The following LETMD1 variants were observed in gnomAD, a reference collection of about 807,000 sequenced individuals.
LETMD1 encodes LETM1 domain containing 1.
In LETMD1, 30 loss-of-function variants were observed where a neutral mutation model predicts 43.9. The ratio of observed to expected loss-of-function variants is 0.68; its 90% CI spans 0.51 to 0.93. LETMD1 has a LOEUF of 0.93. Ranked by LOEUF, LETMD1 falls within the 40% of genes least tolerant of loss-of-function variation. The pLI is 0.00. For synonymous variants in LETMD1, 176 were observed against 163.1 expected (o/e 1.08, Z -0.60); for missense variants, 413 against 447.7 (o/e 0.92, Z 0.70).
downstream of LETMD1, chr12:51,062,405 T>C (rs554951528): frequency 6.6e-6 from 1 of 152,324 alleles, no homozygotes; most frequent in East Asian, 1.9e-4. Flanking sequence ...ACTTTGCTAA[T>C]GAAAGGAAAT....
downstream of LETMD1, chr12:51,064,054 A>T (rs146767929): frequency 2.7e-5 from 43 of 1,614,224 alleles, no homozygotes; most frequent in Non-Finnish European, 3.6e-5. Flanking sequence ...TTTGGGAAAG[A>T]GGCTGAGCCT....
chr12:51,057,866 C>G, intron 7 of LETMD1, 166 bp from the exon 8 acceptor site: 1 of 668,678 alleles, frequency 1.5e-6, no homozygotes, highest in Non-Finnish European at 2.7e-6. Context: ...ACCTCGTGAT[C>G]CGCCTACCTC....
intron 4 of LETMD1, among the ~76,000 whole-genome samples, chr12:51,054,944 C>A (rs1312433976): frequency 6.6e-6 from 1 of 152,016 alleles, no homozygotes; most frequent in Admixed American, 6.6e-5. Flanking sequence ...ACTAAAAATA[C>A]AAAATACTAG....
intron 7 of LETMD1, 91 bp from the exon 8 acceptor site, chr12:51,057,941 A>T: frequency 1.0e-6 from 1 of 954,224 alleles, no homozygotes; most frequent in Non-Finnish European, 1.7e-6. Context: ...TAACTTATTT[A>T]AAGGAGATTT....
chr12:51,056,376 C>A lies in LETMD1; in HGVS notation c.789C>A (p.Leu263=), dbSNP rs758687139. The A allele has an allele frequency of 1.2e-6, 2 of 1,614,118 alleles. No individual in the cohort carries two copies. Among genetic ancestry groups the A allele is most frequent in the African/African-American group, 2.7e-5 (2 of 74,942 alleles). The change falls in exon 7 of 9, where the codon CTC becomes CTA. Residue 263 remains leucine, a synonymous_variant. Transcript: ENST00000262055. ...AAGCCTTGAGCCGGGCCATGCTTCT[C>A]ACATCTTACCTGCCTCCTCCCTTGT... The part of the protein sequence containing the change: ...HVKALSRAML[L]TSYLPPPLLR...
intron 4 of LETMD1, among the ~76,000 whole-genome samples, chr12:51,054,928 G>A (rs1947200638): frequency 6.6e-6 from 1 of 152,114 alleles, no homozygotes; most frequent in Non-Finnish European, 1.5e-5. Flanking sequence ...GTGAAACCCT[G>A]TCTCTACTAA....
intron 3 of LETMD1, 82 bp from the exon 4 acceptor site, chr12:51,053,696 C>G: frequency 1.1e-6 from 1 of 890,252 alleles, no homozygotes; most frequent in Non-Finnish European, 1.8e-6. Flanking sequence ...TAGAAGTTTA[C>G]TGTACAGTGG....
intron 4 of LETMD1, 145 bp from the exon 5 acceptor site, chr12:51,055,690 A>AAAT (rs398019540): frequency 1.4e-5 from 6 of 422,642 alleles, no homozygotes; most frequent in Non-Finnish European, 1.7e-5. Context: ...AAAAAAAAAA[A>AAAT]CTGAAAAAGA....
intron 2 of LETMD1, 145 bp from the exon 3 acceptor site, chr12:51,051,947 A>G: frequency 1.7e-6 from 1 of 604,708 alleles, no homozygotes; most frequent in Non-Finnish European, 2.8e-6. Flanking sequence ...TGACCTCAGG[A>G]GTTTCAAGTT....
downstream of LETMD1, among the ~76,000 whole-genome samples, chr12:51,060,769 G>A (rs1948788413): frequency 6.6e-6 from 1 of 152,088 alleles, no homozygotes; most frequent in African/African-American, 2.4e-5. Flanking sequence ...AGGCGTGGTG[G>A]TGGGCGCCTG....
chr12:51,055,654 A>G, intron 4 of LETMD1, 181 bp from the exon 5 acceptor site: 1 of 441,336 alleles, frequency 2.3e-6, no homozygotes. Context: ...GAGAGAGGGG[A>G]CCCTGTCTCT....
At chr12:51,055,167 A>G (rs962178125) in intron 4 of LETMD1, among the ~76,000 whole-genome samples, 3 of 151,976 alleles carry the variant, frequency 2.0e-5, no homozygotes, top group African/African-American at 7.2e-5. Flanking sequence ...CTATAGTTAG[A>G]TTGTCAACAT....
At chr12:51,067,816 C>A in the LETMD1 span, 1 of 1,614,210 alleles carries the variant, frequency 6.2e-7, no homozygotes, top group South Asian at 1.1e-5. The surrounding 1 kb of genome is among the most constrained non-coding windows in gnomAD (Gnocchi z 4.1). Context: ...ACCCCAGAAG[C>A]CCTCAGCAGG....
chr12:51,050,780 G>A (rs369269503), intron 2 of LETMD1, among the ~76,000 whole-genome samples: 13 of 148,330 alleles, frequency 8.8e-5, no homozygotes, highest in South Asian at 8.7e-4. Flanking sequence ...TTGGGAGGCC[G>A]GGGCGGGCGG....
chr12:51,058,121 C>G lies in LETMD1; in HGVS notation c.1005C>G (p.Ser335Arg). The G allele has an allele frequency of 6.3e-7, 1 of 1,599,414 alleles. No homozygotes were observed. Among genetic ancestry groups the G allele is most frequent in the Non-Finnish European group, 8.6e-7 (1 of 1,166,618 alleles). Residue 335 changes from serine (S) to arginine (R), a missense_variant, in exon 8 of 9, where the codon AGC becomes AGG. Coordinates refer to ENST00000262055, the MANE Select transcript of LETMD1 (RefSeq NM_015416.5). ...GAGAATGGCTGCAGATTTCCTGCAG[C>G]CTGAAAGGTAAAACACATTTCTGTG... ...WLGEWLQISC[S>R]LKEAELSLLL... is the part of the protein sequence containing the mutation.
chr12:51,058,097 AGAATGGCTGCAGATTTCCTGCAGCCT>A lies in LETMD1; in HGVS notation c.985_1010del (p.Trp329ArgfsTer3), dbSNP rs1204951497. On this transcript the variant is annotated frameshift_variant, in exon 8 of 9. Transcript: ENST00000262055. LOFTEE classifies it high-confidence loss of function. ...AAGATAGGTGTCGAACTTGGCTGGG[AGAATGGCTGCAGATTTCCTGCAGCCT>A]GAAAGGTAAAACACATTTCTGTGGT... The A allele has an allele frequency of 1.2e-6, 2 of 1,613,084 alleles. No homozygotes were observed. The highest frequency in any genetic ancestry group is 1.7e-6 in the Non-Finnish European group (2 of 1,179,038).
chr12:51,061,066 A>G (rs987380259), downstream of LETMD1: 2 of 152,072 alleles, frequency 1.3e-5, no homozygotes, highest in Non-Finnish European at 1.5e-5. Flanking sequence ...AGAATATTCT[A>G]TTTTTCCATC....
the LETMD1 span, chr12:51,067,587 A>C: frequency 2.7e-5 from 36 of 1,337,190 alleles, no homozygotes; most frequent in African/African-American, 7.2e-5. The surrounding 1 kb of genome is among the most constrained non-coding windows in gnomAD (Gnocchi z 4.1). Context: ...TCCACCCCTG[A>C]ATGGGCCTCC....
chr12:51,054,341 A>G (rs1312492736), intron 4 of LETMD1, among the ~76,000 whole-genome samples: 1 of 152,192 alleles, frequency 6.6e-6, no homozygotes, highest in African/African-American at 2.4e-5. Context: ...CATTTTCATG[A>G]TTTTGTAGCT....
Sources: gnomAD v4.1 joint callset for allele counts (sites outside exome capture counted in the v4.1 genomes callset) on GRCh38, gnomAD v4.1.1 for gene constraint, Gnocchi (gnomAD v3.1) non-coding constraint, MANE v1.5 for transcripts, NCBI Gene and HGNC (gene_info 2026-07-23, HGNC 2026-07-21) for gene names.